The following ST8SIA6 variants were observed in gnomAD, a reference collection of about 807,000 sequenced individuals.
ST8SIA6 encodes ST8 alpha-N-acetyl-neuraminide alpha-2,8-sialyltransferase 6.
ST8SIA6 carries 39 observed loss-of-function variants against 33.6 expected under a neutral mutation model. The ratio of observed to expected loss-of-function variants is 1.16; its 90% CI spans 0.90 to 1.52. ST8SIA6 has a LOEUF of 1.52. Ranked by LOEUF, ST8SIA6 falls within the 40% of genes most tolerant of loss-of-function variation. ST8SIA6 has a pLI of 0.00. For missense variants in ST8SIA6, 441 were observed against 443.8 expected, an observed-to-expected ratio of 0.99 and a Z score of 0.06; for synonymous variants, 172 against 167.2, an observed-to-expected ratio of 1.03 and a Z score of -0.22.
At chr10:17,333,696 TA>T (rs1564404904) in intron 4 of ST8SIA6, among the ~76,000 whole-genome samples, 29 of 24,746 alleles carry the variant, frequency 1.2e-3, no homozygotes, top group African/African-American at 4.0e-3. Context: ...TATATATATA[TA>T]TATATATATA....
chr10:17,339,871 A>G (rs537762464), intron 4 of ST8SIA6, among the ~76,000 whole-genome samples: 150 of 152,352 alleles, frequency 9.8e-4, no homozygotes, highest in African/African-American at 2.2e-3. Context: ...TTTATTTAGC[A>G]CCTATTAAAT....
chr10:17,453,871 A>T (rs955006769), intron 1 of ST8SIA6, among the ~76,000 whole-genome samples: 6 of 152,234 alleles, frequency 3.9e-5, no homozygotes, highest in Non-Finnish European at 5.9e-5. Context: ...GCGGAACCCG[A>T]CGGCAGGTCC....
At chr10:17,346,602 TAAC>T (rs1294025869) in intron 4 of ST8SIA6, among the ~76,000 whole-genome samples, 13 of 151,960 alleles carry the variant, frequency 8.6e-5, no homozygotes, top group Admixed American at 7.9e-4. Flanking sequence ...TCAAAAACAG[TAAC>T]AACAACAACA....
chr10:17,418,751 G>A (rs1851678722), intron 2 of ST8SIA6, among the ~76,000 whole-genome samples: 2 of 152,148 alleles, frequency 1.3e-5, no homozygotes, highest in Non-Finnish European at 2.9e-5. Flanking sequence ...CCAGCACTTT[G>A]GGAGGCCGAG....
intron 2 of ST8SIA6, among the ~76,000 whole-genome samples, chr10:17,438,214 A>T (rs1021643379): frequency 6.6e-6 from 1 of 152,154 alleles, no homozygotes; most frequent in Non-Finnish European, 1.5e-5. Flanking sequence ...GGTTACAGGG[A>T]CTTTTCCCCA....
intron 2 of ST8SIA6, among the ~76,000 whole-genome samples, chr10:17,451,307 C>A (rs559873381): frequency 6.6e-6 from 1 of 152,158 alleles, no homozygotes; most frequent in Non-Finnish European, 1.5e-5. Flanking sequence ...CATTCTCTTA[C>A]ATGAAATAAC....
intron 2 of ST8SIA6, among the ~76,000 whole-genome samples, chr10:17,450,883 A>AAC (rs569111312): frequency 0.049 from 7,441 of 151,236 alleles, 242 homozygotes; most frequent in South Asian, 0.092. Flanking sequence ...TGAATATTTG[A>AAC]ACACACACAC....
At chr10:17,360,089 A>G (rs1326857151) in intron 3 of ST8SIA6, among the ~76,000 whole-genome samples, 2 of 152,144 alleles carry the variant, frequency 1.3e-5, no homozygotes, top group Non-Finnish European at 2.9e-5. Context: ...TTGAGAGAGA[A>G]GTTTATTGAC....
At chr10:17,363,456 G>A (rs1206810820) in intron 3 of ST8SIA6, among the ~76,000 whole-genome samples, 3 of 152,168 alleles carry the variant, frequency 2.0e-5, no homozygotes, top group Non-Finnish European at 2.9e-5. Context: ...ATATTGCTTG[G>A]TAGTAGTGAT....
intron 3 of ST8SIA6, among the ~76,000 whole-genome samples, chr10:17,365,816 A>G (rs1270872178): frequency 6.6e-6 from 1 of 152,228 alleles, no homozygotes; most frequent in Admixed American, 6.5e-5. Context: ...CAGCTGAGAT[A>G]CCAATTTGGT....
chr10:17,345,998 A>G (rs1848820420), intron 4 of ST8SIA6, among the ~76,000 whole-genome samples: 1 of 152,200 alleles, frequency 6.6e-6, no homozygotes, highest in African/African-American at 2.4e-5. Flanking sequence ...AAGAAGTGAC[A>G]TTCTGGGATT....
At chr10:17,396,971 C>T (rs187795639) in intron 2 of ST8SIA6, among the ~76,000 whole-genome samples, 106 of 152,328 alleles carry the variant, frequency 7.0e-4, no homozygotes, top group African/African-American at 2.5e-3. Context: ...CCTTTGACCT[C>T]TGACTACTAC....
chr10:17,381,685 A>G (rs74709240), intron 3 of ST8SIA6, among the ~76,000 whole-genome samples: 1,839 of 152,350 alleles, frequency 0.012, 68 homozygotes, highest in East Asian at 0.074. Context: ...AAATACTATG[A>G]GGTGTCAAAA....
intron 2 of ST8SIA6, among the ~76,000 whole-genome samples, chr10:17,450,852 C>A (rs1401839076): frequency 6.6e-6 from 1 of 152,170 alleles, no homozygotes; most frequent in South Asian, 2.1e-4. Context: ...TCAATTGTCA[C>A]CTCTAAGCTT....
At chr10:17,383,489 A>G (rs1189552160) in intron 3 of ST8SIA6, among the ~76,000 whole-genome samples, 2 of 152,218 alleles carry the variant, frequency 1.3e-5, no homozygotes, top group Non-Finnish European at 2.9e-5. Context: ...CTTATCAGTA[A>G]TAATCATAAT....
intron 3 of ST8SIA6, among the ~76,000 whole-genome samples, chr10:17,370,393 A>G (rs1037191795): frequency 1.3e-5 from 2 of 151,954 alleles, no homozygotes; most frequent in Non-Finnish European, 2.9e-5. Flanking sequence ...TGTATGTTTC[A>G]TATTCTTTTT....
At chr10:17,418,713 C>T (rs1217912271) in intron 2 of ST8SIA6, among the ~76,000 whole-genome samples, 2 of 152,148 alleles carry the variant, frequency 1.3e-5, no homozygotes, top group Admixed American at 1.3e-4. Flanking sequence ...GTCAAGCTAG[C>T]TGGGCGCGAT....
intron 2 of ST8SIA6, among the ~76,000 whole-genome samples, chr10:17,394,193 C>T (rs960378838): frequency 2.6e-5 from 4 of 151,820 alleles, no homozygotes; most frequent in African/African-American, 9.7e-5. Context: ...AAACTAAAAT[C>T]ACAGAAGATA....
At position 17,315,964 on chromosome 10, in the gene ST8SIA6, C is replaced by T. The variant is rs961345361; in HGVS notation, c.*4914G>A. On this transcript the variant is annotated 3_prime_UTR_variant, in exon 8 of 8. Coordinates refer to ENST00000377602, the MANE Select transcript of ST8SIA6 (RefSeq NM_001004470.3). Reference sequence around the variant, plus strand: ...AAATAATATTGGCTTTAGAGTCAGACATATGAGTTGAATACTAGCTCTGCT... The same window carrying T: ...AAATAATATTGGCTTTAGAGTCAGATATATGAGTTGAATACTAGCTCTGCT... Among the ~76,000 whole-genome samples the T allele has an allele frequency of 1.3e-5, 2 of 151,888 alleles. No homozygotes were observed. The highest frequency in any genetic ancestry group is 2.4e-5 in the African/African-American group (1 of 41,414).
Sources: gnomAD v4.1 joint callset for allele counts (sites outside exome capture counted in the v4.1 genomes callset) on GRCh38, gnomAD v4.1.1 for gene constraint, MANE v1.5 for transcripts, NCBI Gene and HGNC (gene_info 2026-07-23, HGNC 2026-07-21) for gene names.